GALNTL6: variants seen among roughly 807,000 people sequenced by gnomAD.
GALNTL6 encodes polypeptide N-acetylgalactosaminyltransferase-like 6.
A neutral mutation model predicts 73.7 loss-of-function variants in GALNTL6; 46 were observed. That is an observed-to-expected ratio of 0.62 (90% CI 0.49 to 0.80). The LOEUF (loss-of-function observed/expected upper bound fraction) is 0.80, where lower values mean the gene tolerates loss of function less well. GALNTL6 is among the 30% of genes least tolerant of loss of function. The pLI is 0.00. For missense variants in GALNTL6, 604 were observed against 755.0 expected, an observed-to-expected ratio of 0.80 and a Z score of 2.34; for synonymous variants, 259 against 263.7, an observed-to-expected ratio of 0.98 and a Z score of 0.17.
chr4:172,462,101 G>A lies in GALNTL6; in HGVS notation c.553+113412G>A, dbSNP rs111366184. Among the ~76,000 whole-genome samples the A allele has an allele frequency of 5.9e-3, 891 of 152,230 alleles. 11 individuals are homozygous for A. The highest frequency in any genetic ancestry group is 0.02 in the African/African-American group (849 of 41,550). On this transcript the variant is annotated intron_variant, in intron 5 of 12. Transcript: ENST00000506823. ...GGTTCTAATGCTTTCAGGCTCAGAG[G>A]AGGACTTACACCATCAGCACCTCAC...
intron 3 of GALNTL6, among the ~76,000 whole-genome samples, chr4:172,294,017 A>G (rs991529215): frequency 6.6e-6 from 1 of 151,570 alleles, no homozygotes; most frequent in Non-Finnish European, 1.5e-5. Flanking sequence ...ATTTAGGATC[A>G]CAGCCTCTAT....
chr4:172,468,280 A>G (rs1732915203), intron 5 of GALNTL6, among the ~76,000 whole-genome samples: 1 of 152,160 alleles, frequency 6.6e-6, no homozygotes, highest in Non-Finnish European at 1.5e-5. Flanking sequence ...AAAACTATCT[A>G]TGAAATCCCC....
intron 2 of GALNTL6, among the ~76,000 whole-genome samples, chr4:172,116,093 A>C (rs1732977016): frequency 6.6e-6 from 1 of 152,064 alleles, no homozygotes; most frequent in Non-Finnish European, 1.5e-5. Flanking sequence ...TAAATGCTAA[A>C]CATGTAGGTA....
intron 5 of GALNTL6, among the ~76,000 whole-genome samples, chr4:172,731,015 G>A (rs924488092): frequency 6.6e-6 from 1 of 151,448 alleles, no homozygotes; most frequent in African/African-American, 2.4e-5. Context: ...AAGAGGTGGA[G>A]GTTGTAGTAA....
chr4:172,281,331 C>A (rs967317778), intron 3 of GALNTL6, among the ~76,000 whole-genome samples: 5 of 152,166 alleles, frequency 3.3e-5, no homozygotes, highest in African/African-American at 9.7e-5. Flanking sequence ...TGCCTTATGG[C>A]TCTACATTAC....
At chr4:171,853,080 G>A (rs1413186343) in intron 2 of GALNTL6, among the ~76,000 whole-genome samples, 2 of 145,236 alleles carry the variant, frequency 1.4e-5, no homozygotes, top group Non-Finnish European at 3.0e-5. Flanking sequence ...AGCCAGGATG[G>A]TTTTGATCTC....
chr4:172,440,247 A>G (rs1731781826), intron 5 of GALNTL6, among the ~76,000 whole-genome samples: 1 of 152,082 alleles, frequency 6.6e-6, no homozygotes. Context: ...GATGCTCTTC[A>G]GTAGGTAAAT....
chr4:172,812,034 ATGG>A (rs1741334098), intron 6 of GALNTL6, among the ~76,000 whole-genome samples: 1 of 151,480 alleles, frequency 6.6e-6, no homozygotes, highest in Non-Finnish European at 1.5e-5. Context: ...GGATGGATGG[ATGG>A]ATGGATGGAT....
intron 2 of GALNTL6, among the ~76,000 whole-genome samples, chr4:171,936,593 C>T (rs1198910632): frequency 2.0e-5 from 3 of 151,972 alleles, no homozygotes; most frequent in Non-Finnish European, 2.9e-5. Flanking sequence ...TTCATTTGTG[C>T]CTGCAAGTTA....
chr4:171,914,907 G>T (rs1560839039), intron 2 of GALNTL6, among the ~76,000 whole-genome samples: 3 of 151,594 alleles, frequency 2.0e-5, no homozygotes, highest in Admixed American at 6.6e-5. Flanking sequence ...TGAAAACTGG[G>T]CATACTCAGA....
At chr4:172,134,981 T>C (rs1733598309) in intron 2 of GALNTL6, among the ~76,000 whole-genome samples, 2 of 152,174 alleles carry the variant, frequency 1.3e-5, no homozygotes, top group Non-Finnish European at 2.9e-5. Context: ...CAAAGAGGGC[T>C]GGACAATGTA....
chr4:172,648,737 A>T (rs1036148951), intron 5 of GALNTL6, among the ~76,000 whole-genome samples: 2 of 152,144 alleles, frequency 1.3e-5, no homozygotes, highest in Non-Finnish European at 2.9e-5. Flanking sequence ...TCTTCCTCCA[A>T]CTGACGCCTT....
At chr4:172,229,800 C>G (rs973598988) in intron 3 of GALNTL6, 36 bp downstream of exon 3, 15 of 1,255,402 alleles carry the variant, frequency 1.2e-5, no homozygotes, top group Non-Finnish European at 1.7e-5. Flanking sequence ...TGCTATTTCA[C>G]TCGCAGCAGT....
intron 10 of GALNTL6, among the ~76,000 whole-genome samples, chr4:172,955,895 C>G (rs1004277530): frequency 1.4e-4 from 22 of 151,978 alleles, no homozygotes; most frequent in African/African-American, 5.3e-4. Flanking sequence ...CAGGATGAGC[C>G]AGGAAAATGA....
intron 3 of GALNTL6, among the ~76,000 whole-genome samples, chr4:172,264,621 TTTG>T (rs1269393679): frequency 7.3e-6 from 1 of 136,368 alleles, no homozygotes; most frequent in Non-Finnish European, 1.6e-5. Context: ...ATATAATATA[TTTG>T]GCATATATTA....
At chr4:172,525,808 A>C (rs1468831507) in intron 5 of GALNTL6, among the ~76,000 whole-genome samples, 3 of 152,158 alleles carry the variant, frequency 2.0e-5, no homozygotes, top group African/African-American at 7.2e-5. Context: ...GGCTGCAGTG[A>C]GCCACGTTCA....
chr4:172,500,680 T>TTTTTTTG (rs1483189501), intron 5 of GALNTL6, among the ~76,000 whole-genome samples: 1 of 152,142 alleles, frequency 6.6e-6, no homozygotes, highest in African/African-American at 2.4e-5. Context: ...AGGAAGTTTT[T>TTTTTTTG]TTTTTTGTTT....
intron 5 of GALNTL6, among the ~76,000 whole-genome samples, chr4:172,467,125 T>C (rs1732852669): frequency 6.6e-6 from 1 of 152,152 alleles, no homozygotes; most frequent in Non-Finnish European, 1.5e-5. Flanking sequence ...AAAAGATTAT[T>C]TGTAAGCTAA....
At chr4:171,988,838 C>T (rs141019282) in intron 2 of GALNTL6, among the ~76,000 whole-genome samples, 15,504 of 151,782 alleles carry the variant, frequency 0.1, 926 homozygotes, top group African/African-American at 0.16. Flanking sequence ...CATGATCGGT[C>T]GCTAAGGAGG....
Sources: allele counts gnomAD v4.1 joint callset (sites outside exome capture counted in the v4.1 genomes callset), GRCh38; gene constraint gnomAD v4.1.1; transcripts MANE v1.5; gene names NCBI Gene and HGNC (gene_info 2026-07-23, HGNC 2026-07-21).